MAPKAP1: variants seen among roughly 807,000 people sequenced by gnomAD.
MAPKAP1 encodes the protein target of rapamycin complex 2 subunit MAPKAP1.
A neutral mutation model predicts 65.7 loss-of-function variants in MAPKAP1; 20 were observed. That is an observed-to-expected ratio of 0.30 (90% CI 0.21 to 0.44). The LOEUF is 0.44. MAPKAP1 is among the 20% of genes least tolerant of loss of function. The probability of loss-of-function intolerance (pLI) is 1.00; values close to 1 mark genes in which losing one functional copy is unlikely to be tolerated. For synonymous variants in MAPKAP1, 222 were observed against 244.3 expected, an observed-to-expected ratio of 0.91 and a Z score of 0.85; for missense variants, 423 against 648.0, an observed-to-expected ratio of 0.65 and a Z score of 3.77.
At chr9:125,700,013 T>C (rs1835548284) in intron 1 of MAPKAP1, among the ~76,000 whole-genome samples, 1 of 152,238 alleles carries the variant, frequency 6.6e-6, no homozygotes, top group Non-Finnish European at 1.5e-5. Flanking sequence ...TTGTTTCATT[T>C]AGTCCTCACT....
chr9:125,547,232 G>A (rs1205141892), intron 6 of MAPKAP1, among the ~76,000 whole-genome samples: 2 of 152,144 alleles, frequency 1.3e-5, no homozygotes, highest in African/African-American at 4.8e-5. Context: ...GTAAGCGAGA[G>A]GCAATGGGAG....
At position 125,437,520 on chromosome 9, in the gene MAPKAP1, C is replaced by T. The variant is rs1248425010; in HGVS notation, c.*1367G>A. On this transcript the variant is annotated 3_prime_UTR_variant, in exon 12 of 12. Transcript: ENST00000265960. ...TATAAAATTGCTAAAAATTCAAATA[C>T]AGATAGCAAGCTACAAATATTTCTT... The T allele has an allele frequency of 6.6e-6, 1 of 152,548 alleles. No homozygotes were observed. 9.4% of individuals were successfully genotyped at this position (152,548 alleles called of 1,614,324 possible).
At chr9:125,706,307 T>A (rs1030659459) in intron 1 of MAPKAP1, among the ~76,000 whole-genome samples, 6 of 152,036 alleles carry the variant, frequency 3.9e-5, no homozygotes, top group African/African-American at 1.4e-4. Context: ...TTTTGAACTT[T>A]GCCGATTTGG....
intron 1 of MAPKAP1, among the ~76,000 whole-genome samples, chr9:125,693,702 T>TATATACACGTATATATACACACAC (rs1835275057): frequency 9.9e-6 from 1 of 101,484 alleles, no homozygotes; most frequent in Admixed American, 9.3e-5. Context: ...TATACACGTA[T>TATATACACGTATATATACACACAC]ATATACACAT....
In MAPKAP1 at chr9:125,665,677, C is replaced by T. The variant is rs146579812; in HGVS notation, c.349+4141G>A. Reference sequence around the variant, plus strand: ...AAAAACATAACTTTGTGGGCCCCAACCCCCATCTACTAAATCAAGAATTCC... The same window carrying T: ...AAAAACATAACTTTGTGGGCCCCAATCCCCATCTACTAAATCAAGAATTCC... On this transcript the variant is annotated intron_variant, in intron 3 of 11. Coordinates refer to ENST00000265960, the MANE Select transcript of MAPKAP1 (RefSeq NM_001006617.3). Among the ~76,000 whole-genome samples the T allele has an allele frequency of 5.6e-4, 85 of 152,010 alleles. 2 individuals are homozygous for T. Among genetic ancestry groups the T allele is most frequent in the African/African-American group, 1.8e-3 (75 of 41,438 alleles).
chr9:125,577,825 G>A (rs1397617175), intron 5 of MAPKAP1, among the ~76,000 whole-genome samples: 1 of 144,700 alleles, frequency 6.9e-6, no homozygotes, highest in Admixed American at 6.9e-5. Context: ...TCAGCCCCCG[G>A]CCCGGCCAAC....
At chr9:125,648,114 C>T (rs1018019968) in intron 4 of MAPKAP1, among the ~76,000 whole-genome samples, 2 of 151,810 alleles carry the variant, frequency 1.3e-5, no homozygotes, top group Non-Finnish European at 1.5e-5. Flanking sequence ...TTTTTGTTTT[C>T]GCCATAACAA....
chr9:125,573,329 C>G (rs1449665435), intron 5 of MAPKAP1, among the ~76,000 whole-genome samples: 1 of 152,272 alleles, frequency 6.6e-6, no homozygotes, highest in African/African-American at 2.4e-5. Flanking sequence ...AAAATGGCAA[C>G]AAGAGTGACC....
chr9:125,552,737 C>T (rs1397340338), intron 6 of MAPKAP1, among the ~76,000 whole-genome samples: 1 of 151,938 alleles, frequency 6.6e-6, no homozygotes, highest in African/African-American at 2.4e-5. Context: ...TTCAAGAGCC[C>T]CCAGGAATCA....
intron 8 of MAPKAP1, among the ~76,000 whole-genome samples, 172 bp from the exon 9 acceptor site, chr9:125,484,755 T>C (rs192975780): frequency 6.6e-6 from 1 of 152,264 alleles, no homozygotes; most frequent in East Asian, 1.9e-4. Context: ...TGGTAACATA[T>C]TAATCATTCA....
chr9:125,612,086 C>T (rs1355508567), intron 4 of MAPKAP1, among the ~76,000 whole-genome samples: 1 of 152,156 alleles, frequency 6.6e-6, no homozygotes, highest in African/African-American at 2.4e-5. Context: ...TTTGATCATG[C>T]TCCAAAGGAA....
intron 1 of MAPKAP1, among the ~76,000 whole-genome samples, chr9:125,681,897 C>A (rs1244165604): frequency 6.6e-6 from 1 of 152,126 alleles, no homozygotes; most frequent in African/African-American, 2.4e-5. Flanking sequence ...CAGCCTGGGA[C>A]TGCAGGCAAG....
At chr9:125,693,660 C>CACATATACACGTATACAT (rs1554844589) in intron 1 of MAPKAP1, among the ~76,000 whole-genome samples, 1,994 of 130,708 alleles carry the variant, frequency 0.015, 154 homozygotes, top group East Asian at 0.12. Flanking sequence ...CGTATACATA[C>CACATATACACGTATACAT]ACACACATAT....
At chr9:125,541,188 G>T (rs1296553716) in intron 7 of MAPKAP1, among the ~76,000 whole-genome samples, 1 of 152,212 alleles carries the variant, frequency 6.6e-6, no homozygotes, top group Non-Finnish European at 1.5e-5. Context: ...GATGGAAAAG[G>T]CAGTAATGTG....
chr9:125,542,953 T>C (rs1830297112), intron 7 of MAPKAP1, 106 bp downstream of exon 7: 1 of 839,920 alleles, frequency 1.2e-6, no homozygotes, highest in Non-Finnish European at 2.1e-6. Flanking sequence ...CTTCTAGCAA[T>C]GACATCTGAA....
chr9:125,660,825 A>C (rs947679216), intron 3 of MAPKAP1, among the ~76,000 whole-genome samples: 6 of 152,054 alleles, frequency 3.9e-5, no homozygotes, highest in African/African-American at 1.4e-4. Context: ...TTGCCTCCTC[A>C]CCCCAACCCT....
chr9:125,440,602 C>T (rs986851284), intron 11 of MAPKAP1, among the ~76,000 whole-genome samples: 3 of 152,114 alleles, frequency 2.0e-5, no homozygotes, highest in Non-Finnish European at 4.4e-5. Context: ...GGAGGCAGCG[C>T]GAGATGGCAA....
chr9:125,465,166 G>A (rs1015783382), intron 10 of MAPKAP1, among the ~76,000 whole-genome samples: 3 of 152,154 alleles, frequency 2.0e-5, no homozygotes, highest in Non-Finnish European at 2.9e-5. Flanking sequence ...ATATATTGCA[G>A]AAATCAAAAA....
intron 7 of MAPKAP1, among the ~76,000 whole-genome samples, chr9:125,514,834 T>C (rs1051939445): frequency 2.0e-5 from 3 of 152,164 alleles, no homozygotes; most frequent in Non-Finnish European, 4.4e-5. Context: ...GACTACTCTA[T>C]GGCAGGGGCT....
Sources: allele counts gnomAD v4.1 joint callset (sites outside exome capture counted in the v4.1 genomes callset), GRCh38; gene constraint gnomAD v4.1.1; transcripts MANE v1.5; gene names NCBI Gene and HGNC (gene_info 2026-07-23, HGNC 2026-07-21).